MRPS16: variants seen among roughly 807,000 people sequenced by gnomAD.
MRPS16 encodes mitochondrial ribosomal protein S16, also known as small ribosomal subunit protein bS16m.
A neutral mutation model predicts 11.0 loss-of-function variants in MRPS16; 5 were observed. That is an observed-to-expected ratio of 0.46 (90% confidence interval 0.24 to 0.96). MRPS16 has a LOEUF of 0.96. MRPS16 is among the 40% of genes least tolerant of loss of function. The pLI is 0.20. For missense variants in MRPS16, 179 were observed against 174.4 expected (o/e 1.03, Z -0.15); for synonymous variants, 76 against 65.0 (o/e 1.17, Z -0.81).
rs755618712 is a variant in MRPS16, at chr10:73,249,121, G to A, written c.*1731C>T. 3 of 653,780 alleles carry A rather than the reference G, an allele frequency of 4.6e-6. No homozygotes were observed. Among genetic ancestry groups the A allele is most frequent in the East Asian group, 2.8e-5 (1 of 35,168 alleles). 40.5% of individuals were successfully genotyped at this position (653,780 alleles called of 1,614,324 possible). On this transcript the variant is annotated 3_prime_UTR_variant, in exon 3 of 3. Coordinates refer to ENST00000372945, the MANE Select transcript of MRPS16 (RefSeq NM_016065.4). ...TTTTGTAGAGACGGGGTCTTGCTGT[G>A]TTGCACAGGCTGGTCTCAAACTCTG...
In MRPS16 at chr10:73,248,856, C is replaced by A. The variant is rs2044047885; in HGVS notation, c.*1996G>T. 4 of 337,976 alleles carry A rather than the reference C, an allele frequency of 1.2e-5. No homozygotes were observed. The highest frequency in any genetic ancestry group is 2.5e-5 in the Non-Finnish European group (4 of 159,022). The allele number at this position is 337,976 out of a possible 1,614,324, so 20.9% of individuals were successfully genotyped here. ...TGCTACGGAAAATTGAAATCGCACA[C>A]TGAAATATCCTTTTATTGCAACTCA... On this transcript the variant is annotated 3_prime_UTR_variant, in exon 3 of 3. Transcript: ENST00000372945.
At position 73,249,407 on chromosome 10, in the gene MRPS16, G is replaced by A. The variant is rs1015693258; in HGVS notation, c.*1445C>T. The A allele has an allele frequency of 1.2e-5, 15 of 1,296,484 alleles. No homozygotes were observed. In the East Asian group the frequency reaches 2.8e-4, roughly 24 times the overall value. The allele number at this position is 1,296,484 out of a possible 1,614,324, so 80.3% of individuals were successfully genotyped here. ...ATTCAAACTATAAAGATCCCTTATA[G>A]ATTACTGGCATCAAGGTAGGAAGGA... On this transcript the variant is annotated 3_prime_UTR_variant, in exon 3 of 3. Transcript: ENST00000372945.
At position 73,250,646 on chromosome 10, in the gene MRPS16, A is replaced by T; in HGVS notation, c.*206T>A. The T allele has an allele frequency of 1.6e-6, 1 of 636,550 alleles. No homozygotes were observed. The highest frequency in any genetic ancestry group is 2.7e-6 in the Non-Finnish European group (1 of 371,534). 39.4% of individuals were successfully genotyped at this position (636,550 alleles called of 1,614,324 possible). A position where few individuals can be genotyped will look rare whatever the true frequency, so the allele number is the denominator to read the frequency against. On this transcript the variant is annotated 3_prime_UTR_variant, in exon 3 of 3. Transcript: ENST00000372945. ...CTGTCTATCCCAAGACAAAGTCGAA[A>T]AAAGCTAATTAGTACCCACACCCAG...
rs1052484188 is a variant in MRPS16, at chr10:73,249,165, A to G, written c.*1687T>C. The G allele has an allele frequency of 7.6e-6, 7 of 915,112 alleles. No homozygotes were observed. The highest frequency in any genetic ancestry group is 4.7e-5 in the Admixed American group (2 of 42,728). 56.7% of individuals were successfully genotyped at this position (915,112 alleles called of 1,614,324 possible). ...AACTCTGGCTTCAAGTGATCCTTCCACCTCAGCCTCCCAAAGTGCTGAGAT... is the reference window on the plus strand; with the variant it reads ...AACTCTGGCTTCAAGTGATCCTTCCGCCTCAGCCTCCCAAAGTGCTGAGAT... On this transcript the variant is annotated 3_prime_UTR_variant, in exon 3 of 3. Transcript: ENST00000372945.
At position 73,250,682 on chromosome 10, in the gene MRPS16, C is replaced by A. The variant is rs1289993899; in HGVS notation, c.*170G>T. The A allele has an allele frequency of 2.4e-5, 21 of 888,726 alleles. No individual in the cohort carries two copies. The East Asian group carries it at 4.4e-4, about 19-fold the overall frequency. The allele number at this position is 888,726 out of a possible 1,614,324, so 55.1% of individuals were successfully genotyped here. A position where few individuals can be genotyped will look rare whatever the true frequency, so the allele number is the denominator to read the frequency against. The stretch of plus-strand genomic sequence containing the variant: ...AGTACCCACACCCAGCTCTAAGTCA[C>A]ACAAGAACAAATCTCTCCCTGGGCC... On this transcript the variant is annotated 3_prime_UTR_variant, in exon 3 of 3. Coordinates refer to ENST00000372945, the MANE Select transcript of MRPS16 (RefSeq NM_016065.4).
chr10:73,251,669 C>G, intron 2 of MRPS16, 94 bp downstream of exon 2: 1 of 1,570,174 alleles, frequency 6.4e-7, no homozygotes, highest in Non-Finnish European at 8.7e-7. Flanking sequence ...GCGTGAGCCA[C>G]CGTGCCCAGC....
In MRPS16 at chr10:73,249,390, T is replaced by C. The variant is rs1173240620; in HGVS notation, c.*1462A>G. 1.4e-6 allele frequency: 2 copies of C among 1,420,926 alleles called. No homozygotes were observed. The highest frequency in any genetic ancestry group is 2.5e-5 in the East Asian group (1 of 40,248). 88.0% of individuals were successfully genotyped at this position (1,420,926 alleles called of 1,614,324 possible). On this transcript the variant is annotated 3_prime_UTR_variant, in exon 3 of 3. Transcript: ENST00000372945. ...TGAAGTTATTCAAATACATTCAAAC[T>C]ATAAAGATCCCTTATAGATTACTGG...
chr10:73,251,062 C>T, intron 2 of MRPS16, 71 bp from the exon 3 acceptor site: 1 of 1,572,736 alleles, frequency 6.4e-7, no homozygotes, highest in Non-Finnish European at 8.7e-7. Context: ...CTCTGTCTCA[C>T]AGAACTGAGG....
intron 1 of MRPS16, 144 bp downstream of exon 1, chr10:73,252,326 T>A: frequency 7.7e-7 from 1 of 1,295,572 alleles, no homozygotes; most frequent in Non-Finnish European, 1.1e-6. Context: ...GGGAAAAAAC[T>A]GAGAGAAGGA....
chr10:73,251,793 G>A lies in MRPS16; in HGVS notation c.244C>T (p.His82Tyr), dbSNP rs764817670. The A allele has an allele frequency of 3.7e-6, 6 of 1,614,058 alleles. No homozygotes were observed. Among genetic ancestry groups the A allele is most frequent in the Non-Finnish European group, 5.1e-6 (6 of 1,180,046 alleles). Residue 82 changes from histidine (H) to tyrosine (Y), a missense_variant, in exon 2 of 3, where the codon CAC becomes TAC. By Grantham distance (83) the His-to-Tyr change is moderately conservative. Coordinates refer to ENST00000372945, the MANE Select transcript of MRPS16 (RefSeq NM_016065.4). ...RIRHWIGCGA[H>Y]LSKPMEKLLG... Reference sequence around the variant, plus strand: ...AGCTTTTCCATAGGCTTAGAGAGGTGGGCCCCGCAGCCAATCCAATGACGG... The same window carrying A: ...AGCTTTTCCATAGGCTTAGAGAGGTAGGCCCCGCAGCCAATCCAATGACGG...
chr10:73,251,623 C>G lies in MRPS16; in HGVS notation c.274+140G>C, dbSNP rs558002880. ...CTCAAACTCTTGACCTCAGGTGATC[C>G]GCCCGCCTCGGCCTCCCAAAGCGCT... On this transcript the variant is annotated intron_variant, in intron 2 of 2. Coordinates refer to ENST00000372945, the MANE Select transcript of MRPS16 (RefSeq NM_016065.4). 11 of 1,203,684 alleles carry G rather than the reference C, an allele frequency of 9.1e-6. No homozygotes were observed. In the Admixed American group the frequency reaches 1.5e-4, roughly 17 times the overall value. 74.6% of individuals were successfully genotyped at this position (1,203,684 alleles called of 1,614,324 possible). A position where few individuals can be genotyped will look rare whatever the true frequency, so the allele number is the denominator to read the frequency against.
At chr10:73,251,683 A>C (rs2044100988) in intron 2 of MRPS16, 80 bp downstream of exon 2, 2 of 1,602,366 alleles carry the variant, frequency 1.2e-6, no homozygotes, top group Non-Finnish European at 1.7e-6. Flanking sequence ...GCCCAGCCGA[A>C]AATCATTCTT....
In MRPS16 at chr10:73,250,438, A is replaced by G. The variant is rs2044073318; in HGVS notation, c.*414T>C. On this transcript the variant is annotated 3_prime_UTR_variant, in exon 3 of 3. Coordinates refer to ENST00000372945, the MANE Select transcript of MRPS16 (RefSeq NM_016065.4). ...TTAGGCAAGACAATATAAACCTCCA[A>G]TTACAAAAATCAATTAAGAAAGGTT... is the stretch of plus-strand genomic sequence containing the variant. 3 of 230,824 alleles carry G rather than the reference A, an allele frequency of 1.3e-5. No individual in the cohort carries two copies. The highest frequency in any genetic ancestry group is 5.7e-5 in the South Asian group (1 of 17,564). 14.3% of individuals were successfully genotyped at this position (230,824 alleles called of 1,614,324 possible). A position where few individuals can be genotyped will look rare whatever the true frequency, so the allele number is the denominator to read the frequency against.
chr10:73,250,855 T>C lies in MRPS16; in HGVS notation c.411A>G (p.Thr137=), dbSNP rs1437669882. 2 of 1,613,960 alleles carry C rather than the reference T, an allele frequency of 1.2e-6. No homozygotes were observed. The highest frequency in any genetic ancestry group is 2.2e-5 in the South Asian group (2 of 91,080). ...AEATDTEATE[T] ...ATGCTCACTAAAGTCAGCTCATTTA[T>C]GTTTCTGTAGCCTCTGTATCTGTAG... Residue 137 remains threonine (T), a synonymous_variant, in exon 3 of 3, where the codon ACA becomes ACG. Transcript: ENST00000372945.
rs1589212302 is a variant in MRPS16, at chr10:73,252,518, C to T, written c.-36G>A. 2.5e-6 allele frequency: 4 copies of T among 1,604,316 alleles called. No homozygotes were observed. The highest frequency in any genetic ancestry group is 3.4e-6 in the Non-Finnish European group (4 of 1,179,296). ...GCGTGCGGCTCCTCGGAGAGCCCCGCTACCCGCACGCACCAGCTCTACGGC... is the reference window on the plus strand; with the variant it reads ...GCGTGCGGCTCCTCGGAGAGCCCCGTTACCCGCACGCACCAGCTCTACGGC... On this transcript the variant is annotated 5_prime_UTR_variant, in exon 1 of 3. Transcript: ENST00000372945.
chr10:73,251,886 G>A lies in MRPS16; in HGVS notation c.151C>T (p.Leu51=). 6.2e-7 allele frequency: 1 copy of A among 1,614,198 alleles called. No homozygotes were observed. The change falls in exon 2 of 3, where the codon CTG becomes TTG. Residue 51 remains leucine, a synonymous_variant. Coordinates refer to ENST00000372945, the MANE Select transcript of MRPS16 (RefSeq NM_016065.4). ...TTGGGCAATGGATCATAGGAGCCCA[G>A]CTGCTCTACGAAACGGCCATCCCTG... The part of the protein sequence containing the change: ...CPRDGRFVEQ[L]GSYDPLPNSH...
At chr10:73,251,736 A>G (rs1276823828) in intron 2 of MRPS16, 27 bp downstream of exon 2, 4 of 1,613,990 alleles carry the variant, frequency 2.5e-6, no homozygotes, top group Admixed American at 3.3e-5. Flanking sequence ...AAATCCCCTC[A>G]ATAAGGTAAG....
rs1026910616 is a variant in MRPS16 at position 73,252,568 on chromosome 10, A to G, written c.-86T>C. On this transcript the variant is annotated 5_prime_UTR_variant, in exon 1 of 3. Coordinates refer to ENST00000372945, the MANE Select transcript of MRPS16 (RefSeq NM_016065.4). Reference sequence around the variant, plus strand: ...CCTTGGCAGGGCAGAGAACAAACACAGAAAGAACCTGCAAGCCGACACCAG... The same window carrying G: ...CCTTGGCAGGGCAGAGAACAAACACGGAAAGAACCTGCAAGCCGACACCAG... 193 of 1,561,736 alleles carry G rather than the reference A, an allele frequency of 1.2e-4. No homozygotes were observed. Among genetic ancestry groups the G allele is most frequent in the Non-Finnish European group, 1.6e-4 (180 of 1,156,258 alleles).
intron 2 of MRPS16, 60 bp downstream of exon 2, chr10:73,251,703 G>A (rs1159788364): frequency 2.5e-6 from 4 of 1,609,692 alleles, no homozygotes; most frequent in South Asian, 1.1e-5. Flanking sequence ...TACACCTACT[G>A]TCCTGGAGCT....
Sources: gnomAD v4.1 joint callset for allele counts on GRCh38, gnomAD v4.1.1 for gene constraint, MANE v1.5 for transcripts, NCBI Gene and HGNC (gene_info 2026-07-23, HGNC 2026-07-21) for gene names.